ZNF8: variants seen among roughly 807,000 people sequenced by gnomAD.
The protein encoded by ZNF8 is zinc finger protein 272.
A neutral mutation model predicts 12.2 loss-of-function variants in ZNF8; 9 were observed. The observed-to-expected ratio is 0.73, with a 90% CI of 0.44 to 1.28. ZNF8 has a LOEUF of 1.28. ZNF8 is among the 50% of genes most tolerant of loss of function. ZNF8 has a pLI of 0.00. For missense variants in ZNF8, 664 were observed against 729.1 expected (o/e 0.91, Z 1.03); for synonymous variants, 274 against 282.3 (o/e 0.97, Z 0.30).
chr19:58,279,957 T>C, intron 1 of ZNF8: 1 of 950,012 alleles, frequency 1.1e-6, no homozygotes, highest in African/African-American at 1.7e-5. Context: ...TGAGACTTGA[T>C]AATCTTAGGT....
At chr19:58,287,615 A>G (rs2051391625) in intron 3 of ZNF8, among the ~76,000 whole-genome samples, 2 of 142,448 alleles carry the variant, frequency 1.4e-5, no homozygotes, top group Admixed American at 1.4e-4. Flanking sequence ...CTGGGATTAC[A>G]GGTATCAGCC....
rs1272303823 is a variant in ZNF8, at chr19:58,301,949, G to C, written c.*6413G>C. 2.0e-5 allele frequency: 3 copies of C among 152,082 alleles called. No homozygotes were observed. The highest frequency in any genetic ancestry group is 4.4e-5 in the Non-Finnish European group (3 of 68,010). 9.4% of individuals were successfully genotyped at this position (152,082 alleles called of 1,614,324 possible). A position where few individuals can be genotyped will look rare whatever the true frequency, so the allele number is the denominator to read the frequency against. On this transcript the variant is annotated 3_prime_UTR_variant, in exon 4 of 4. Transcript: ENST00000621650. ...CTATTGATTTTAAAAGTAAAAATTTGGAAAGAACCTCCATGTCCACCATGG... is the reference window on the plus strand; with the variant it reads ...CTATTGATTTTAAAAGTAAAAATTTCGAAAGAACCTCCATGTCCACCATGG...
chr19:58,290,194 A>G (rs1210982647), intron 3 of ZNF8, among the ~76,000 whole-genome samples: 1 of 146,128 alleles, frequency 6.8e-6, no homozygotes, highest in Non-Finnish European at 1.5e-5. Flanking sequence ...GCTCATTGCA[A>G]GCTCCGCCTC....
Position 58,295,728 on chromosome 19 carries a change from C to T in ZNF8, c.*192C>T. 1 of 563,880 alleles carries T rather than the reference C, an allele frequency of 1.8e-6. No individual in the cohort carries two copies. The highest frequency in any genetic ancestry group is 3.1e-6 in the Non-Finnish European group (1 of 323,446). 34.9% of individuals were successfully genotyped at this position (563,880 alleles called of 1,614,324 possible). On this transcript the variant is annotated 3_prime_UTR_variant, in exon 4 of 4. Transcript: ENST00000621650. ...TCAAACTCAGTGCCCTCTTTAGCGA[C>T]ATATTTTGTGACATTCCTTCCATTA...
intron 3 of ZNF8, chr19:58,286,679 CAGTT>C (rs927618859): frequency 6.5e-6 from 1 of 153,276 alleles, no homozygotes; most frequent in African/African-American, 2.4e-5. Context: ...CCACTCTCAT[CAGTT>C]AGGGTTGTGG....
At chr19:58,293,292 C>T (rs560544180) in intron 3 of ZNF8, among the ~76,000 whole-genome samples, 1 of 152,286 alleles carries the variant, frequency 6.6e-6, no homozygotes, top group East Asian at 1.9e-4. Context: ...TGGCACCTGG[C>T]CAGCCTCAGC....
chr19:58,288,750 G>A (rs546183096), intron 3 of ZNF8, among the ~76,000 whole-genome samples: 1 of 152,254 alleles, frequency 6.6e-6, no homozygotes, highest in East Asian at 1.9e-4. Flanking sequence ...TGCCACCCAG[G>A]GCTTTCTGAT....
Position 58,295,153 on chromosome 19 carries a change from G to T in ZNF8, c.1345G>T (p.Gly449Cys). Residue 449 changes from glycine to cysteine, a missense_variant, in exon 4 of 4, where the codon GGC (glycine) becomes TGC (cysteine). Around this residue, in one of 3 missense-constraint regions of ZNF8, gnomAD observed 225 missense variants for 222.0 expected, o/e 1.01. Coordinates refer to ENST00000621650, the MANE Select transcript of ZNF8 (RefSeq NM_021089.3). ...AAAGCATGAATGGACAGAAGCCCTG[G>T]GCTGTGACCCACCTTTGAGTCAAGA... Reference protein sequence around the residue: ...LTKHEWTEALGCDPPLSQDER... With the variant: ...LTKHEWTEALCCDPPLSQDER... 1 of 1,614,006 alleles carries T rather than the reference G, an allele frequency of 6.2e-7. No homozygotes were observed. Among genetic ancestry groups the T allele is most frequent in the Non-Finnish European group, 8.5e-7 (1 of 1,180,042 alleles).
chr19:58,285,314 C>G (rs1333875576), intron 1 of ZNF8, among the ~76,000 whole-genome samples: 2 of 152,138 alleles, frequency 1.3e-5, no homozygotes, highest in African/African-American at 4.8e-5. Context: ...GCCAATTTCA[C>G]TTTGTATCTA....
intron 1 of ZNF8, among the ~76,000 whole-genome samples, chr19:58,283,673 C>T (rs947440487): frequency 4.1e-5 from 6 of 147,342 alleles, no homozygotes; most frequent in South Asian, 2.1e-4. Flanking sequence ...AATCTTGACT[C>T]ACTGCAAGCT....
intron 1 of ZNF8, 169 bp downstream of exon 1, chr19:58,279,316 A>G: frequency 6.7e-7 from 1 of 1,492,588 alleles, no homozygotes; most frequent in South Asian, 1.2e-5. Context: ...GGCTGGTCAG[A>G]GAGGGGGCCG....
rs967170953 is a variant in ZNF8, at chr19:58,279,000, C to T, written c.-82C>T. 21 of 1,343,402 alleles carry T rather than the reference C, an allele frequency of 1.6e-5. No homozygotes were observed. The South Asian group carries it at 2.9e-4, about 18-fold the overall frequency. The allele number at this position is 1,343,402 out of a possible 1,614,324, so 83.2% of individuals were successfully genotyped here. ...GCGGCCGCCATTGTCCGGCGTTCGGCGAGTCGGGTGGTCCCTTTGGCTGGA... is the reference window on the plus strand; with the variant it reads ...GCGGCCGCCATTGTCCGGCGTTCGGTGAGTCGGGTGGTCCCTTTGGCTGGA... On this transcript the variant is annotated 5_prime_UTR_variant, in exon 1 of 4. Coordinates refer to ENST00000621650, the MANE Select transcript of ZNF8 (RefSeq NM_021089.3).
At chr19:58,285,868 A>G in intron 2 of ZNF8, 25 bp downstream of exon 2, 1 of 1,588,630 alleles carries the variant, frequency 6.3e-7, no homozygotes, top group Non-Finnish European at 8.6e-7. Context: ...GCAAGGTGTG[A>G]TAGCTGATTC....
At chr19:58,279,883 T>G in intron 1 of ZNF8, 4 of 1,169,858 alleles carry the variant, frequency 3.4e-6, no homozygotes, top group Non-Finnish European at 4.3e-6. Context: ...ATTATACTTT[T>G]TTTTATTTTT....
intron 1 of ZNF8, chr19:58,279,532 G>GA (rs1326113767): frequency 3.3e-6 from 5 of 1,506,526 alleles, no homozygotes; most frequent in Non-Finnish European, 3.5e-6. Flanking sequence ...CGGGTGCCCA[G>GA]ATGGCAAGAA....
Position 58,295,512 on chromosome 19 carries a change from ATTTG to A in ZNF8, c.1705_1708del (p.Phe569ThrfsTer19). ...AGCCTTCTGTGGGTGCTTCCATGTT[ATTTG>A]ACATCAGAGAATCCACATAGGAGAG... On this transcript the variant is annotated frameshift_variant, in exon 4 of 4. Transcript: ENST00000621650. LOFTEE classifies it high-confidence loss of function. The A allele has an allele frequency of 6.2e-7, 1 of 1,603,324 alleles. No homozygotes were observed. Among genetic ancestry groups the A allele is most frequent in the East Asian group, 2.2e-5 (1 of 44,722 alleles).
chr19:58,295,873 T>C lies in ZNF8; in HGVS notation c.*337T>C, dbSNP rs559371681. The C allele has an allele frequency of 3.8e-6, 1 of 260,622 alleles. No homozygotes were observed. The highest frequency in any genetic ancestry group is 2.3e-5 in the African/African-American group (1 of 44,338). 16.1% of individuals were successfully genotyped at this position (260,622 alleles called of 1,614,324 possible). On this transcript the variant is annotated 3_prime_UTR_variant, in exon 4 of 4. Transcript: ENST00000621650. ...TGAAAGTAATTTATGGTAGAGTAAA[T>C]TGTAGAGTAACGTGTACTGACTTGG...
At chr19:58,286,306 C>T in intron 3 of ZNF8, 101 bp downstream of exon 3, 2 of 926,086 alleles carry the variant, frequency 2.2e-6, no homozygotes, top group Admixed American at 2.1e-5. Context: ...CTGAAGACCA[C>T]CCCATTCACT....
At position 58,286,173 on chromosome 19, in the gene ZNF8, C is replaced by T; in HGVS notation, c.257C>T (p.Ala86Val). The T allele has an allele frequency of 6.2e-7, 1 of 1,613,460 alleles. No individual in the cohort carries two copies. The highest frequency in any genetic ancestry group is 1.1e-5 in the South Asian group (1 of 91,048). Residue 86 changes from alanine to valine, a missense_variant, in exon 3 of 4, where the codon GCT becomes GTT. Physicochemically the swap from Ala to Val is moderately conservative, Grantham distance 64. Coordinates refer to ENST00000621650, the MANE Select transcript of ZNF8 (RefSeq NM_021089.3). ...GAGCAAGGGACCGAGCTATGGGTGG[C>T]TGAGAGAGGAACCACCCAGGGCTGC... ...QLEQGTELWVAERGTTQGCHP... is the reference protein window; with the variant it reads ...QLEQGTELWVVERGTTQGCHP...
Sources: allele counts gnomAD v4.1 joint callset (sites outside exome capture counted in the v4.1 genomes callset), GRCh38; gene constraint gnomAD v4.1.1; regional missense constraint gnomAD v4.1.1; transcripts MANE v1.5; gene names NCBI Gene and HGNC (gene_info 2026-07-23, HGNC 2026-07-21).